The following CDH12 variants were observed in gnomAD, a reference collection of about 807,000 sequenced individuals.
CDH12 encodes the protein cadherin 12.
In CDH12, 41 loss-of-function variants were observed where a neutral mutation model predicts 74.1. The ratio of observed to expected loss-of-function variants is 0.55; its 90% CI spans 0.43 to 0.72. The LOEUF is 0.72. Ranked by LOEUF, CDH12 falls within the 30% of genes least tolerant of loss-of-function variation. The pLI, the probability that CDH12 is intolerant of heterozygous loss-of-function variation, is 0.00. For synonymous variants in CDH12, 399 were observed against 355.0 expected (o/e 1.12, Z -1.39); for missense variants, 945 against 977.2 (o/e 0.97, Z 0.44).
At chr5:22,212,845 C>G (rs1414717168) in intron 3 of CDH12, 3 of 153,192 alleles carry the variant, frequency 2.0e-5, no homozygotes, top group South Asian at 4.1e-4. Context: ...CAACACACGC[C>G]GAGGGTTGGT....
At chr5:22,608,319 T>C (rs1737222383) in intron 1 of CDH12, among the ~76,000 whole-genome samples, 1 of 152,206 alleles carries the variant, frequency 6.6e-6, no homozygotes. Context: ...CTTTAATGTT[T>C]AATGACCACT....
chr5:22,707,120 C>G (rs1032675506), intron 1 of CDH12, among the ~76,000 whole-genome samples: 13 of 152,072 alleles, frequency 8.5e-5, no homozygotes, highest in African/African-American at 3.1e-4. Context: ...CTAATCACAC[C>G]CCACCCACAT....
At chr5:22,389,617 C>A (rs1046443391) in intron 3 of CDH12, among the ~76,000 whole-genome samples, 2 of 151,288 alleles carry the variant, frequency 1.3e-5, no homozygotes. Context: ...GAGGAGAATA[C>A]AGACATACAT....
chr5:22,247,414 T>C (rs1001270376), intron 3 of CDH12, among the ~76,000 whole-genome samples: 1 of 152,168 alleles, frequency 6.6e-6, no homozygotes, highest in Non-Finnish European at 1.5e-5. Flanking sequence ...CAGTGGCTCA[T>C]GCCTATAATC....
At chr5:22,822,397 T>G (rs1749751348) in intron 1 of CDH12, among the ~76,000 whole-genome samples, 1 of 151,850 alleles carries the variant, frequency 6.6e-6, no homozygotes, top group Admixed American at 6.6e-5. Flanking sequence ...CTAATTAAAC[T>G]AAAGAGCTTC....
At chr5:21,755,464 G>T in intron 14 of CDH12, 127 bp downstream of exon 14, 1 of 725,410 alleles carries the variant, frequency 1.4e-6, no homozygotes, top group Non-Finnish European at 2.3e-6. Context: ...CTTCTAGCTA[G>T]GTATGACATG....
intron 4 of CDH12, among the ~76,000 whole-genome samples, chr5:22,178,947 T>C (rs1449443718): frequency 6.6e-6 from 1 of 152,250 alleles, no homozygotes; most frequent in African/African-American, 2.4e-5. Flanking sequence ...ACTTGCACAA[T>C]GGTTAAGATT....
chr5:22,518,376 C>T (rs915327048), intron 1 of CDH12, among the ~76,000 whole-genome samples: 1 of 152,146 alleles, frequency 6.6e-6, no homozygotes, highest in African/African-American at 2.4e-5. Flanking sequence ...GTTCTTCTTG[C>T]CACTTCTCTA....
At chr5:21,754,479 G>T (rs1744272055) in intron 14 of CDH12, among the ~76,000 whole-genome samples, 1 of 152,038 alleles carries the variant, frequency 6.6e-6, no homozygotes, top group South Asian at 2.1e-4. Flanking sequence ...AATTTATTAT[G>T]AATTATAAGG....
chr5:22,666,629 C>A (rs960048810), intron 1 of CDH12, among the ~76,000 whole-genome samples: 4 of 152,000 alleles, frequency 2.6e-5, no homozygotes, highest in African/African-American at 9.7e-5. Flanking sequence ...TAACATCAAC[C>A]ATTTTTTAAT....
At chr5:22,553,579 T>A (rs1415588852) in intron 1 of CDH12, among the ~76,000 whole-genome samples, 1 of 151,858 alleles carries the variant, frequency 6.6e-6, no homozygotes, top group Admixed American at 6.6e-5. Flanking sequence ...GTGTACAAGA[T>A]CTATATGAAA....
At chr5:22,851,260 A>G (rs1737543861) in intron 1 of CDH12, among the ~76,000 whole-genome samples, 1 of 152,070 alleles carries the variant, frequency 6.6e-6, no homozygotes, top group African/African-American at 2.4e-5. Flanking sequence ...AAATGATCAC[A>G]TCACTAAGCA....
chr5:22,088,057 A>C (rs970879654), intron 4 of CDH12, among the ~76,000 whole-genome samples: 3 of 152,216 alleles, frequency 2.0e-5, no homozygotes, highest in Admixed American at 6.5e-5. Flanking sequence ...TGAATTTAAA[A>C]AAATGATGAT....
At chr5:22,281,705 T>C (rs917447430) in intron 3 of CDH12, among the ~76,000 whole-genome samples, 1 of 152,098 alleles carries the variant, frequency 6.6e-6, no homozygotes, top group Non-Finnish European at 1.5e-5. Context: ...TAGAAACCAC[T>C]GCTCAAGGAA....
At chr5:22,079,477 G>A (rs1247817740) in intron 4 of CDH12, among the ~76,000 whole-genome samples, 2 of 152,042 alleles carry the variant, frequency 1.3e-5, no homozygotes, top group African/African-American at 4.8e-5. Flanking sequence ...AGATACAGAC[G>A]ATCTAAAGAA....
intron 1 of CDH12, among the ~76,000 whole-genome samples, chr5:22,709,711 C>T (rs947498258): frequency 6.6e-6 from 1 of 152,078 alleles, no homozygotes; most frequent in African/African-American, 2.4e-5. Flanking sequence ...AAATGAACAC[C>T]CATGTGATGT....
chr5:21,864,311 C>T (rs1334906189), intron 6 of CDH12, among the ~76,000 whole-genome samples: 2 of 152,112 alleles, frequency 1.3e-5, no homozygotes, highest in Non-Finnish European at 2.9e-5. Context: ...GAGAAGATTG[C>T]ATGTGAGTCA....
At chr5:22,789,661 T>G (rs1230302449) in intron 1 of CDH12, among the ~76,000 whole-genome samples, 1 of 152,004 alleles carries the variant, frequency 6.6e-6, no homozygotes, top group Non-Finnish European at 1.5e-5. Context: ...TGATTTTATA[T>G]CTCTGATTTA....
intron 4 of CDH12, among the ~76,000 whole-genome samples, chr5:22,198,752 CA>C (rs1196365574): frequency 2.0e-5 from 3 of 152,034 alleles, no homozygotes; most frequent in Non-Finnish European, 2.9e-5. Context: ...AAAATGCTAT[CA>C]ATTCTGAATT....
Sources: allele counts gnomAD v4.1 joint callset (sites outside exome capture counted in the v4.1 genomes callset), GRCh38; gene constraint gnomAD v4.1.1; transcripts MANE v1.5; gene names NCBI Gene and HGNC (gene_info 2026-07-23, HGNC 2026-07-21).